Variants in TTK observed in about 807,000 individuals in gnomAD.
TTK encodes TTK protein kinase, also known as dual specificity protein kinase TTK.
A neutral mutation model predicts 117.3 loss-of-function variants in TTK; 59 were observed. The ratio of observed to expected loss-of-function variants is 0.50; its 90% confidence interval spans 0.41 to 0.62. TTK has a LOEUF of 0.62. TTK is among the 20% of genes least tolerant of loss of function. The probability of loss-of-function intolerance (pLI) is 0.00; values close to 1 mark genes in which losing one functional copy is unlikely to be tolerated. For missense variants in TTK, 921 were observed against 989.4 expected, an observed-to-expected ratio of 0.93 and a Z score of 0.93; for synonymous variants, 302 against 325.0, an observed-to-expected ratio of 0.93 and a Z score of 0.76.
At chr6:80,025,951 C>T (rs1767593341) in intron 11 of TTK, among the ~76,000 whole-genome samples, 1 of 149,864 alleles carries the variant, frequency 6.7e-6, no homozygotes, top group African/African-American at 2.5e-5. Context: ...AGGCATTTGT[C>T]ATTCCACATT....
At chr6:80,009,000 AG>A (rs148468197) in intron 4 of TTK, among the ~76,000 whole-genome samples, 3,528 of 149,870 alleles carry the variant, frequency 0.024, 57 homozygotes, top group African/African-American at 0.027. Context: ...AAAATAAAAA[AG>A]TAAACTGCTG....
intron 9 of TTK, among the ~76,000 whole-genome samples, chr6:80,014,095 A>G (rs540248748): frequency 6.6e-6 from 1 of 152,246 alleles, no homozygotes; most frequent in Non-Finnish European, 1.5e-5. Context: ...GTTTTGACTT[A>G]TTTTTGGTGA....
At chr6:80,033,042 C>G (rs1230194827) in intron 14 of TTK, among the ~76,000 whole-genome samples, 1 of 152,126 alleles carries the variant, frequency 6.6e-6, no homozygotes, top group Non-Finnish European at 1.5e-5. Flanking sequence ...TTTCAGCATG[C>G]TATGCTAATC....
At chr6:80,026,340 T>C in intron 11 of TTK, 38 bp from the exon 12 acceptor site, 3 of 1,581,486 alleles carry the variant, frequency 1.9e-6, no homozygotes, top group Non-Finnish European at 2.6e-6. Flanking sequence ...GGCAACTAAT[T>C]TAAAAACTAA....
intron 13 of TTK, among the ~76,000 whole-genome samples, chr6:80,028,741 A>G (rs1361762620): frequency 6.6e-6 from 1 of 152,230 alleles, no homozygotes; most frequent in Non-Finnish European, 1.5e-5. Flanking sequence ...AGGTACTGCT[A>G]GAATGTATTA....
At chr6:80,024,060 G>C (rs1397066435) in intron 11 of TTK, among the ~76,000 whole-genome samples, 1 of 152,148 alleles carries the variant, frequency 6.6e-6, no homozygotes, top group Admixed American at 6.5e-5. Context: ...ACCATAATTA[G>C]ATACTACTTC....
chr6:80,008,612 A>G, intron 4 of TTK, 120 bp downstream of exon 4: 1 of 841,514 alleles, frequency 1.2e-6, no homozygotes, highest in Non-Finnish European at 1.8e-6. Flanking sequence ...AAAGTTGATC[A>G]GATGAGAATA....
At chr6:80,023,984 T>C (rs1187663668) in intron 11 of TTK, among the ~76,000 whole-genome samples, 1 of 152,132 alleles carries the variant, frequency 6.6e-6, no homozygotes, top group Non-Finnish European at 1.5e-5. Flanking sequence ...TATTTGAAAA[T>C]TGTACACTAA....
chr6:80,013,905 G>A (rs1293629590), intron 9 of TTK, among the ~76,000 whole-genome samples: 1 of 151,990 alleles, frequency 6.6e-6, no homozygotes, highest in Non-Finnish European at 1.5e-5. Flanking sequence ...TAAACCCCTG[G>A]CATCATGATG....
rs1454919330 is a variant in TTK, at chr6:80,040,069, CAT to C, written c.2308-125_2308-124del. ...AGTGCCTTGGGAGAAATAATCTTGTCATAATACTTTAGTGGGATATCTAAAAA... is the reference window on the plus strand; with the variant it reads ...AGTGCCTTGGGAGAAATAATCTTGTCAATACTTTAGTGGGATATCTAAAAA... On this transcript the variant is annotated intron_variant, in intron 19 of 21. Transcript: ENST00000369798. 1.5e-5 allele frequency: 14 copies of C among 950,034 alleles called. No individual in the cohort carries two copies. In the African/African-American group the frequency reaches 2.4e-4, roughly 16 times the overall value. 58.9% of individuals were successfully genotyped at this position (950,034 alleles called of 1,614,324 possible).
intron 10 of TTK, among the ~76,000 whole-genome samples, chr6:80,015,720 C>T (rs1291148720): frequency 6.6e-6 from 1 of 152,178 alleles, no homozygotes. Flanking sequence ...ATAGTACTCT[C>T]AATACCTAAT....
rs753639607 is a variant in TTK at position 80,040,248 on chromosome 6, C to G, written c.2360C>G (p.Ala787Gly). Residue 787 changes from alanine to glycine, a missense_variant, in exon 20 of 22, where the codon GCT (alanine) becomes GGT (glycine). Coordinates refer to ENST00000369798, the MANE Select transcript of TTK (RefSeq NM_003318.5). ...KQRISIPELL[A>G]HPYVQIQTHP... ...AGGATATCCATTCCTGAGCTCCTGG[C>G]TCATCCATATGTTCAAATTCAAACT... 37 of 1,592,648 alleles carry G rather than the reference C, an allele frequency of 2.3e-5. No homozygotes were observed. Among genetic ancestry groups the G allele is most frequent in the Non-Finnish European group, 3.0e-5 (35 of 1,170,408 alleles).
intron 10 of TTK, among the ~76,000 whole-genome samples, chr6:80,017,925 C>T (rs528107659): frequency 9.2e-5 from 14 of 152,086 alleles, no homozygotes; most frequent in African/African-American, 3.4e-4. Flanking sequence ...TAATGCTGAT[C>T]AGATATTCTT....
intron 3 of TTK, 39 bp from the exon 4 acceptor site, chr6:80,008,347 T>C (rs749463391): frequency 6.3e-7 from 1 of 1,575,704 alleles, no homozygotes; most frequent in Non-Finnish European, 8.7e-7. Context: ...AGTAGCTATG[T>C]TCTTTTTCTT....
Position 80,042,055 on chromosome 6 carries a change from C to G in TTK, c.2491-64C>G, listed in dbSNP as rs1768061219. The G allele has an allele frequency of 6.8e-6, 6 of 886,710 alleles. No individual in the cohort carries two copies. In the South Asian group the frequency reaches 1.1e-4, roughly 16 times the overall value. The allele number at this position is 886,710 out of a possible 1,614,324, so 54.9% of individuals were successfully genotyped here. On this transcript the variant is annotated intron_variant, in intron 21 of 21. Transcript: ENST00000369798. ...ATATTTAGAATACATCAAAATACAT[C>G]TACTGATGTGACAGTACATTTAACT...
In TTK at chr6:80,007,991, A is replaced by ACCAG; in HGVS notation, c.322_323insCCAG (p.Ser108ThrfsTer5). On this transcript the variant is annotated frameshift_variant, in exon 3 of 22. Coordinates refer to ENST00000369798, the MANE Select transcript of TTK (RefSeq NM_003318.5). LOFTEE classifies it high-confidence loss of function. ...CCCAGATAAATATGGCCAAAATGAG[A>ACCAG]GTTTTGCTAGAATTCAAGTGAGATT... 358 of 1,590,430 alleles carry ACCAG rather than the reference A, an allele frequency of 2.3e-4. No individual in the cohort carries two copies. The highest frequency in any genetic ancestry group is 2.9e-4 in the Non-Finnish European group (333 of 1,158,916).
chr6:80,028,930 C>T (rs977749099), intron 13 of TTK, among the ~76,000 whole-genome samples: 3 of 152,040 alleles, frequency 2.0e-5, no homozygotes, highest in South Asian at 4.1e-4. Context: ...CCTAAATTTT[C>T]GGTGCCCATT....
chr6:80,036,432 T>G (rs1767907501), intron 16 of TTK, 43 bp from the exon 17 acceptor site: 2 of 1,547,210 alleles, frequency 1.3e-6, no homozygotes, highest in Middle Eastern at 3.8e-4. Context: ...GTCCTTAGAA[T>G]GTTTTGCATT....
intron 10 of TTK, among the ~76,000 whole-genome samples, chr6:80,022,107 G>C (rs1460731300): frequency 1.3e-5 from 2 of 152,164 alleles, no homozygotes; most frequent in African/African-American, 2.4e-5. Flanking sequence ...AAAGTTCTTA[G>C]TAACAATGTA....
Sources: allele counts gnomAD v4.1 joint callset (sites outside exome capture counted in the v4.1 genomes callset), GRCh38; gene constraint gnomAD v4.1.1; transcripts MANE v1.5; gene names NCBI Gene and HGNC (gene_info 2026-07-23, HGNC 2026-07-21).